The following IQCH variants were observed in gnomAD, a reference collection of about 807,000 sequenced individuals.
IQCH encodes IQ motif containing H, also known as IQ domain-containing protein H.
In IQCH, 98 loss-of-function variants were observed where a neutral mutation model predicts 117.0. That is an observed-to-expected ratio of 0.84 (90% CI 0.71 to 0.99). The LOEUF is 0.99. Among genes scored for constraint, IQCH ranks in the 50% least tolerant of loss-of-function variants. IQCH has a pLI of 0.00. For synonymous variants in IQCH, 412 were observed against 448.2 expected (o/e 0.92, Z 1.02); for missense variants, 1,102 against 1,243.8 (o/e 0.89, Z 1.72).
chr15:67,465,917 T>C lies in IQCH; in HGVS notation c.2676+620T>C, dbSNP rs533478453. Among the ~76,000 whole-genome samples, 20 of 152,300 alleles carry C rather than the reference T, an allele frequency of 1.3e-4. 1 individual carries two copies. The South Asian group carries it at 4.1e-3, about 32-fold the overall frequency. On this transcript the variant is annotated intron_variant, in intron 17 of 20. Transcript: ENST00000335894. This position sits in a 1 kb window ranked among gnomAD's most constrained non-coding sequence, Gnocchi z 5.9. ...TCTCACACCTGTATTCCTCCTAAGATTCCCTGTCCCTGCCTGTGCCCTCAG... is the reference window on the plus strand; with the variant it reads ...TCTCACACCTGTATTCCTCCTAAGACTCCCTGTCCCTGCCTGTGCCCTCAG...
chr15:67,300,970 C>T (rs1424162327), intron 4 of IQCH, among the ~76,000 whole-genome samples: 1 of 152,156 alleles, frequency 6.6e-6, no homozygotes, highest in Non-Finnish European at 1.5e-5. Flanking sequence ...GTAATTGGCT[C>T]TGATAATAAC....
chr15:67,418,491 A>G (rs1003451901), intron 15 of IQCH, among the ~76,000 whole-genome samples: 1 of 147,548 alleles, frequency 6.8e-6, no homozygotes, highest in Non-Finnish European at 1.5e-5. Context: ...CCATGCATAA[A>G]TGGAAGAAAA....
At chr15:67,487,545 A>C (rs2083525032) in intron 18 of IQCH, among the ~76,000 whole-genome samples, 1 of 152,156 alleles carries the variant, frequency 6.6e-6, no homozygotes, top group Admixed American at 6.5e-5. Flanking sequence ...AAATATCAAA[A>C]TTTTTAATGA....
rs563077017 is a variant in IQCH, at chr15:67,302,806, G to A, written c.387+23294G>A. Among the ~76,000 whole-genome samples the A allele has an allele frequency of 9.9e-5, 15 of 152,284 alleles. No homozygotes were observed. The South Asian group carries it at 2.5e-3, about 25-fold the overall frequency. ...TGGGAGGCGGAGGTTTCAGTGAACC[G>A]AGATTGTGTCACTGCACTCCAGCCT... is the stretch of plus-strand genomic sequence containing the variant. On this transcript the variant is annotated intron_variant, in intron 4 of 20. Coordinates refer to ENST00000335894, the MANE Select transcript of IQCH (RefSeq NM_001031715.3).
At chr15:67,264,837 G>T (rs1965602774) in intron 3 of IQCH, among the ~76,000 whole-genome samples, 5 of 149,724 alleles carry the variant, frequency 3.3e-5, no homozygotes, top group Admixed American at 6.7e-5. Flanking sequence ...TAGCTCACTC[G>T]CTCTCTCTCT....
chr15:67,292,407 G>T lies in IQCH; in HGVS notation c.387+12895G>T, dbSNP rs902248964. On this transcript the variant is annotated intron_variant, in intron 4 of 20. Coordinates refer to ENST00000335894, the MANE Select transcript of IQCH (RefSeq NM_001031715.3). The stretch of plus-strand genomic sequence containing the variant: ...GCTGAGACTGGGACTAGAGCTGCAT[G>T]CCACCATACCTGGCTAATTTTTAAA... Among the ~76,000 whole-genome samples the T allele has an allele frequency of 2.0e-5, 3 of 151,910 alleles. No individual in the cohort carries two copies. The South Asian group carries it at 6.2e-4, about 32-fold the overall frequency.
intron 4 of IQCH, among the ~76,000 whole-genome samples, chr15:67,296,965 C>T (rs969263468): frequency 1.3e-5 from 2 of 152,218 alleles, no homozygotes; most frequent in Admixed American, 1.3e-4. Flanking sequence ...TAACCCTTCT[C>T]TTATTCTCCA....
chr15:67,396,540 C>G (rs544048526), intron 13 of IQCH, among the ~76,000 whole-genome samples: 2 of 152,298 alleles, frequency 1.3e-5, no homozygotes, highest in East Asian at 1.9e-4. Context: ...GGCAGATGTT[C>G]TCCCATTTAA....
chr15:67,383,463 CATATT>C (rs1971010017), intron 10 of IQCH, among the ~76,000 whole-genome samples: 1 of 152,126 alleles, frequency 6.6e-6, no homozygotes, highest in African/African-American at 2.4e-5. Context: ...CTTAATGAGA[CATATT>C]ATACTGCTTT....
Position 67,386,246 on chromosome 15 carries a change from A to G in IQCH, c.1456+1227A>G, listed in dbSNP as rs1416691179. Among the ~76,000 whole-genome samples, 1 of 152,174 alleles carries G rather than the reference A, an allele frequency of 6.6e-6. No homozygotes were observed. Among genetic ancestry groups the G allele is most frequent in the Non-Finnish European group, 1.5e-5 (1 of 68,034 alleles). ...GCTTTTTATATCTCTTTCTATATAT[A>G]GTATAAGCCATCACGAAATAATTTC... is the stretch of plus-strand genomic sequence containing the variant. On this transcript the variant is annotated intron_variant, in intron 11 of 20. Coordinates refer to ENST00000335894, the MANE Select transcript of IQCH (RefSeq NM_001031715.3). This position sits in a 1 kb window ranked among gnomAD's most constrained non-coding sequence, Gnocchi z 5.0.
rs775959647 is a variant in IQCH, at chr15:67,465,149, T to G, written c.2528T>G (p.Leu843Arg). 1 of 1,614,034 alleles carries G rather than the reference T, an allele frequency of 6.2e-7. No individual in the cohort carries two copies. The highest frequency in any genetic ancestry group is 1.7e-5 in the Admixed American group (1 of 59,988). Residue 843 changes from leucine (L) to arginine (R), a missense_variant, in exon 17 of 21, where the codon CTC becomes CGC. Physicochemically the swap from Leu to Arg is moderately radical, Grantham distance 102. This residue lies in a region of IQCH where 650 missense variants were observed against 794.3 expected (regional missense o/e 0.82). Coordinates refer to ENST00000335894, the MANE Select transcript of IQCH (RefSeq NM_001031715.3). This position sits in a 1 kb window ranked among gnomAD's most constrained non-coding sequence, Gnocchi z 5.9. Reference sequence around the variant, plus strand: ...CAGGTGTGGGCAACCGGCCTTAACCTCGCATATAGTGACCAGCTGGCCCTG... The same window carrying G: ...CAGGTGTGGGCAACCGGCCTTAACCGCGCATATAGTGACCAGCTGGCCCTG... Reference protein sequence around the residue: ...EQQVWATGLNLAYSDQLALTQ... With the variant: ...EQQVWATGLNRAYSDQLALTQ...
At chr15:67,499,134 G>A (rs1338530525) in intron 20 of IQCH, among the ~76,000 whole-genome samples, 2 of 151,584 alleles carry the variant, frequency 1.3e-5, no homozygotes, top group African/African-American at 4.8e-5. Context: ...TCATCTCCAC[G>A]AAAACTTATT....
Position 67,407,276 on chromosome 15 carries a change from G to A in IQCH, c.2097+6971G>A, listed in dbSNP as rs537105021. The A allele has an allele frequency of 2.0e-5, 3 of 152,298 alleles. No homozygotes were observed. The highest frequency in any genetic ancestry group is 1.9e-4 in the East Asian group (1 of 5,186). 9.4% of individuals were successfully genotyped at this position (152,298 alleles called of 1,614,324 possible). ...TGACAAAGTAGAGATTATTCTGACC[G>A]GAAGATTGCAACCCAGTGGCTTTAT... On this transcript the variant is annotated intron_variant, in intron 14 of 20. Transcript: ENST00000335894. This position sits in a 1 kb window ranked among gnomAD's most constrained non-coding sequence, Gnocchi z 5.3.
At chr15:67,470,140 G>A (rs747812826) in intron 17 of IQCH, among the ~76,000 whole-genome samples, 68 of 152,308 alleles carry the variant, frequency 4.5e-4, no homozygotes, top group Admixed American at 1.8e-3. Context: ...TAAATGGACC[G>A]GATGTTCATA....
rs561592831 is a variant in IQCH at position 67,397,532 on chromosome 15, T to C, written c.1905+1969T>C. Among the ~76,000 whole-genome samples, 187 of 152,352 alleles carry C rather than the reference T, an allele frequency of 1.2e-3. 3 individuals carry two copies. In the South Asian group the frequency reaches 0.026, roughly 21 times the overall value. ...CACTGAGATTTTTCCAGATAGTGAC[T>C]ACCCTATCTATTCTATCTGAGCATG... On this transcript the variant is annotated intron_variant, in intron 13 of 20. Transcript: ENST00000335894.
At chr15:67,263,730 T>C (rs1407522611) in intron 3 of IQCH, among the ~76,000 whole-genome samples, 2 of 152,212 alleles carry the variant, frequency 1.3e-5, no homozygotes, top group African/African-American at 4.8e-5. Context: ...GTTTTTAGAA[T>C]GTCTTATGTG....
intron 4 of IQCH, among the ~76,000 whole-genome samples, chr15:67,301,332 GT>G (rs2140529535): frequency 1.3e-5 from 2 of 150,018 alleles, no homozygotes; most frequent in South Asian, 4.2e-4. Context: ...ACTATAGATG[GT>G]TCGTAAGACA....
chr15:67,264,823 ATGT>A (rs1490703008), intron 3 of IQCH, among the ~76,000 whole-genome samples: 3 of 151,472 alleles, frequency 2.0e-5, no homozygotes, highest in African/African-American at 4.9e-5. Flanking sequence ...TGATCCAGCT[ATGT>A]TAGCTCACTC....
At chr15:67,437,020 C>T (rs1429623753) in intron 16 of IQCH, among the ~76,000 whole-genome samples, 1 of 152,078 alleles carries the variant, frequency 6.6e-6, no homozygotes, top group East Asian at 1.9e-4. Context: ...AGGGCCCCAC[C>T]CACTGCCAGT....
Sources: gnomAD v4.1 joint callset for allele counts (sites outside exome capture counted in the v4.1 genomes callset) on GRCh38, gnomAD v4.1.1 for gene constraint, gnomAD v4.1.1 regional missense constraint, Gnocchi (gnomAD v3.1) non-coding constraint, MANE v1.5 for transcripts, NCBI Gene and HGNC (gene_info 2026-07-23, HGNC 2026-07-21) for gene names.